Variants in ZNF581 observed in about 807,000 individuals in gnomAD.
ZNF581 encodes the protein zinc finger protein 581.
ZNF581 carries 1 observed loss-of-function variant against 1.2 expected under a neutral mutation model. The observed-to-expected ratio is 0.83, with a 90% CI of 0.30 to 3.95. ZNF581 has a LOEUF of 3.95. Ranked by LOEUF, ZNF581 falls within the 30% of genes most tolerant of loss-of-function variation. The pLI, the probability that ZNF581 is intolerant of heterozygous loss-of-function variation, is 0.18. For synonymous variants in ZNF581, 105 were observed against 109.2 expected (o/e 0.96, Z 0.24); for missense variants, 273 against 274.6 (o/e 0.99, Z 0.04).
At chr19:55,641,077 G>C (rs1982433509), upstream of ZNF581, 1 of 985,154 alleles carries the variant, frequency 1.0e-6, no homozygotes, top group East Asian at 1.1e-4. Context: ...CCGCCGGCCC[G>C]GAGCTGCCCG....
At position 55,644,695 on chromosome 19, in the gene ZNF581, C is replaced by T; in HGVS notation, c.124C>T (p.Pro42Ser). ...EPGPSSSIGS[P>S]QASSPPRPNH... ...TGGACCTTCCTCCTCCATCGGATCT[C>T]CCCAGGCTTCATCTCCTCCAAGGCC... Residue 42 changes from proline (P) to serine (S), a missense_variant, in exon 2 of 2, where the codon CCC (proline) becomes TCC (serine). Physicochemically the swap from Pro to Ser is moderately conservative, Grantham distance 74. Transcript: ENST00000270451. The surrounding 1 kb of genome is among the most constrained non-coding windows in gnomAD (Gnocchi z 4.3). 3.1e-6 allele frequency: 5 copies of T among 1,613,640 alleles called. No individual in the cohort carries two copies. Among genetic ancestry groups the T allele is most frequent in the East Asian group, 2.2e-5 (1 of 44,852 alleles).
upstream of ZNF581, chr19:55,641,039 C>T (rs1293908226): frequency 4.1e-6 from 4 of 985,162 alleles, no homozygotes; most frequent in Non-Finnish European, 4.8e-6. Flanking sequence ...CTCGCACCCC[C>T]GCGCCCCCAG....
chr19:55,642,684 ATGGGGT>A, upstream of ZNF581: 1 of 1,442,204 alleles, frequency 6.9e-7, no homozygotes, highest in Non-Finnish European at 9.1e-7. Flanking sequence ...ATCGACGCCA[ATGGGGT>A]CCCCTACACA....
upstream of ZNF581, chr19:55,640,922 C>A (rs977310595): frequency 3.5e-5 from 34 of 985,188 alleles, no homozygotes; most frequent in Non-Finnish European, 3.7e-5. Context: ...CCCCGCAGGG[C>A]GCTCCGCAGA....
At chr19:55,636,115 G>C (rs1267946809), upstream of ZNF581, among the ~76,000 whole-genome samples, 1 of 152,218 alleles carries the variant, frequency 6.6e-6, no homozygotes, top group African/African-American at 2.4e-5. Context: ...ACTTGGTCCT[G>C]AGGGTAAAGG....
upstream of ZNF581, among the ~76,000 whole-genome samples, chr19:55,636,892 G>C (rs1040104370): frequency 6.6e-6 from 1 of 152,172 alleles, no homozygotes; most frequent in Non-Finnish European, 1.5e-5. Context: ...GATGGGAGAG[G>C]CTGGTGCACT....
At position 55,644,804 on chromosome 19, in the gene ZNF581, G is replaced by A. The variant is rs768976151; in HGVS notation, c.233G>A (p.Ser78Asn). 8 of 1,612,734 alleles carry A rather than the reference G, an allele frequency of 5.0e-6. No homozygotes were observed. In the East Asian group the frequency reaches 1.8e-4, roughly 36 times the overall value. The change falls in exon 2 of 2, where the codon AGT (serine) becomes AAT (asparagine). Residue 78 changes from serine to asparagine, a missense_variant. By Grantham distance (46) the Ser-to-Asn change is conservative. Transcript: ENST00000270451. This position sits in a 1 kb window ranked among gnomAD's most constrained non-coding sequence, Gnocchi z 4.3. ...DEESQREPGA[S>N]GAPGQKKCYS... ...GAGTCACAGAGGGAGCCAGGGGCCA[G>A]TGGGGCTCCAGGCCAGAAAAAGTGC...
chr19:55,636,103 G>A (rs932886877), upstream of ZNF581, among the ~76,000 whole-genome samples: 1 of 152,182 alleles, frequency 6.6e-6, no homozygotes, highest in Non-Finnish European at 1.5e-5. Flanking sequence ...TGAGAAACTC[G>A]GACTTGGTCC....
Position 55,644,738 on chromosome 19 carries a change from TTGACACTCAGGG to T in ZNF581, c.170_181del (p.Asp57_Gly60del), listed in dbSNP as rs749057529. ...CCAAGGCCCAACCACTACCTGCTTATTGACACTCAGGGTGTCCCCTACACAGTGCTGGTGGAC... is the reference window on the plus strand; with the variant it reads ...CCAAGGCCCAACCACTACCTGCTTATTGTCCCCTACACAGTGCTGGTGGAC... On this transcript the variant is annotated inframe_deletion, in exon 2 of 2. Transcript: ENST00000270451. This position sits in a 1 kb window ranked among gnomAD's most constrained non-coding sequence, Gnocchi z 4.3. 1 of 1,614,142 alleles carries T rather than the reference TTGACACTCAGGG, an allele frequency of 6.2e-7. No homozygotes were observed. The highest frequency in any genetic ancestry group is 1.1e-5 in the South Asian group (1 of 91,076).
At chr19:55,635,786 G>A in intron 1 of ZNF581, 1 of 915,246 alleles carries the variant, frequency 1.1e-6, no homozygotes, top group Non-Finnish European at 1.3e-6. Context: ...GGCTGAGGGG[G>A]TTATACTATA....
chr19:55,641,026 C>A, upstream of ZNF581: 1 of 985,336 alleles, frequency 1.0e-6, no homozygotes, highest in Non-Finnish European at 1.2e-6. Context: ...ACTCCGCCAA[C>A]CCCTCGCACC....
At chr19:55,642,649 C>A (rs758724546), upstream of ZNF581, 1 of 1,431,214 alleles carries the variant, frequency 7.0e-7, no homozygotes, top group Non-Finnish European at 9.2e-7. Flanking sequence ...GGCCCCGACC[C>A]CCGCGGCTGG....
rs765709717 is a variant in ZNF581 at position 55,644,633 on chromosome 19, A to T, written c.62A>T (p.Glu21Val). Residue 21 changes from glutamate to valine, a missense_variant, in exon 2 of 2, where the codon GAG becomes GTG. Transcript: ENST00000270451. The surrounding 1 kb of genome is among the most constrained non-coding windows in gnomAD (Gnocchi z 4.3). ...PLAFSSVETM[E>V]GPPRRTCRSP... is the part of the protein sequence containing the mutation. ...GCATTTTCCTCCGTTGAGACCATGG[A>T]GGGCCCTCCCCGTCGGACTTGCCGC... The T allele has an allele frequency of 6.2e-7, 1 of 1,610,488 alleles. No homozygotes were observed. The highest frequency in any genetic ancestry group is 8.5e-7 in the Non-Finnish European group (1 of 1,178,454).
At chr19:55,636,201 C>G (rs1037106892), upstream of ZNF581, among the ~76,000 whole-genome samples, 2 of 152,056 alleles carry the variant, frequency 1.3e-5, no homozygotes, top group Non-Finnish European at 2.9e-5. Context: ...AGGGTCAGGC[C>G]AGTGTGGGAG....
At chr19:55,641,285 TCGGGAGCGGCAGGATCGGGCGGAGGGA>T (rs1206369209), upstream of ZNF581, 3 of 741,886 alleles carry the variant, frequency 4.0e-6, no homozygotes, top group Non-Finnish European at 4.9e-6. Context: ...GGGGTGGGGG[TCGGGAGCGGCAGGATCGGGCGGAGGGA>T]CGGGAGGGGA....
chr19:55,640,291 G>C, upstream of ZNF581: 1 of 985,476 alleles, frequency 1.0e-6, no homozygotes, highest in Non-Finnish European at 1.2e-6. Flanking sequence ...CGCATGCGCA[G>C]CCAGCGCCCG....
upstream of ZNF581, chr19:55,641,992 AGGGCCAGGAGGCCGATACGGGGGCCGGT>A (rs1369969049): frequency 6.5e-5 from 56 of 861,394 alleles, 2 homozygotes; most frequent in East Asian, 9.2e-3. Context: ...GTGGGGACGG[AGGGCCAGGAGGCCGATACGGGGGCCGGT>A]GGGGGGGTAG....
rs781379985 is a variant in ZNF581 at position 55,644,779 on chromosome 19, G to T, written c.208G>T (p.Glu70Ter). 1 of 1,613,866 alleles carries T rather than the reference G, an allele frequency of 6.2e-7. No individual in the cohort carries two copies. The highest frequency in any genetic ancestry group is 1.1e-5 in the South Asian group (1 of 91,086). ...GVPYTVLVDEESQREPGASGA... is the reference protein window; with the variant it reads ...GVPYTVLVDE Reference sequence around the variant, plus strand: ...CCCCTACACAGTGCTGGTGGACGAGGAGTCACAGAGGGAGCCAGGGGCCAG... The same window carrying T: ...CCCCTACACAGTGCTGGTGGACGAGTAGTCACAGAGGGAGCCAGGGGCCAG... The change falls in exon 2 of 2, where the codon GAG becomes TAG. Residue 70 changes from glutamate (E) to a stop codon, truncating the protein, a stop_gained. Coordinates refer to ENST00000270451, the MANE Select transcript of ZNF581 (RefSeq NM_016535.4). LOFTEE classifies it low-confidence loss of function (END_TRUNC). The surrounding 1 kb of genome is among the most constrained non-coding windows in gnomAD (Gnocchi z 4.3).
upstream of ZNF581, chr19:55,640,928 G>T: frequency 2.0e-6 from 2 of 985,414 alleles, no homozygotes; most frequent in Non-Finnish European, 2.4e-6. Flanking sequence ...AGGGCGCTCC[G>T]CAGAGGCGAG....
Sources: gnomAD v4.1 joint callset for allele counts (sites outside exome capture counted in the v4.1 genomes callset) on GRCh38, gnomAD v4.1.1 for gene constraint, Gnocchi (gnomAD v3.1) non-coding constraint, MANE v1.5 for transcripts, NCBI Gene and HGNC (gene_info 2026-07-23, HGNC 2026-07-21) for gene names.